Variants in SFPQ observed in about 807,000 individuals in gnomAD.
SFPQ encodes splicing factor, proline- and glutamine-rich.
In SFPQ, 11 loss-of-function variants were observed where a neutral mutation model predicts 72.9. The observed-to-expected ratio is 0.15, with a 90% CI of 0.09 to 0.25. SFPQ has a LOEUF of 0.25. Ranked by LOEUF, SFPQ falls within the 10% of genes least tolerant of loss-of-function variation. The probability of loss-of-function intolerance (pLI) is 1.00; values close to 1 mark genes in which losing one functional copy is unlikely to be tolerated. For synonymous variants in SFPQ, 506 were observed against 367.3 expected, an observed-to-expected ratio of 1.38 and a Z score of -4.32; for missense variants, 847 against 993.3, an observed-to-expected ratio of 0.85 and a Z score of 1.98.
intron 2 of SFPQ, 150 bp downstream of exon 2, chr1:35,191,191 T>C (rs1639978675): frequency 2.4e-6 from 2 of 817,812 alleles, no homozygotes; most frequent in East Asian, 2.7e-5. Flanking sequence ...TTATGCATTA[T>C]ACCGCAAGCA....
intron 2 of SFPQ, 76 bp from the exon 3 acceptor site, chr1:35,191,071 T>A: frequency 2.4e-6 from 3 of 1,259,864 alleles, no homozygotes; most frequent in Non-Finnish European, 3.3e-6. Flanking sequence ...TAGGCCTACT[T>A]CCTACTCCCT....
chr1:35,193,145 C>T lies in SFPQ; in HGVS notation c.-96G>A, dbSNP rs921909795. On this transcript the variant is annotated 5_prime_UTR_variant, in exon 1 of 10. Transcript: ENST00000357214. ...CTCACAAAATGGCGGATGACACAGG[C>T]GGCGCGCCGCCTTTGTCCTCGTCTT... 3.4e-6 allele frequency: 5 copies of T among 1,467,022 alleles called. No homozygotes were observed. In the Admixed American group the frequency reaches 1.2e-4, roughly 36 times the overall value. The allele number at this position is 1,467,022 out of a possible 1,614,324, so 90.9% of individuals were successfully genotyped here. A position where few individuals can be genotyped will look rare whatever the true frequency, so the allele number is the denominator to read the frequency against.
chr1:35,184,706 C>A, intron 9 of SFPQ, 113 bp from the exon 10 acceptor site: 3 of 1,363,612 alleles, frequency 2.2e-6, no homozygotes, highest in South Asian at 1.9e-5. Flanking sequence ...ACCAATGAGT[C>A]GATCCACAGG....
At chr1:35,187,284 C>CA (rs772954118) in intron 7 of SFPQ, 33 bp from the exon 8 acceptor site, 12 of 1,589,820 alleles carry the variant, frequency 7.5e-6, no homozygotes, top group Non-Finnish European at 9.5e-6. Flanking sequence ...AATATACCTG[C>CA]ACTATACCCA....
At chr1:35,180,844 G>A, downstream of SFPQ, 1 of 985,326 alleles carries the variant, frequency 1.0e-6, no homozygotes, top group Non-Finnish European at 1.2e-6. Flanking sequence ...CCACTGATGT[G>A]TTCCATGTTA....
downstream of SFPQ, chr1:35,182,095 G>A (rs921457241): frequency 3.0e-6 from 3 of 985,182 alleles, no homozygotes; most frequent in African/African-American, 5.2e-5. Flanking sequence ...CCCTTATAAA[G>A]AAAGGCATGT....
chr1:35,177,884 C>T (rs1308947783), intron 4 of SFPQ: 4 of 376,700 alleles, frequency 1.1e-5, no homozygotes, highest in East Asian at 9.9e-5. Flanking sequence ...ATCTTAGAAA[C>T]GGTAAACATC....
At chr1:35,179,876 C>T (rs562876611), downstream of SFPQ, 20 of 1,053,478 alleles carry the variant, frequency 1.9e-5, no homozygotes, top group African/African-American at 1.2e-4. Context: ...TAATGGATTA[C>T]GACACAGGAA....
At chr1:35,182,065 T>C, downstream of SFPQ, 2 of 985,392 alleles carry the variant, frequency 2.0e-6, no homozygotes, top group Non-Finnish European at 2.4e-6. Context: ...AAGCTTATTT[T>C]AGGGGGTCTG....
chr1:35,185,989 C>A (rs1274262262), intron 9 of SFPQ, among the ~76,000 whole-genome samples: 1 of 152,080 alleles, frequency 6.6e-6, no homozygotes, highest in East Asian at 1.9e-4. Flanking sequence ...CAAAATGTTA[C>A]CCACATACTC....
In SFPQ at chr1:35,191,585, C is replaced by G. The variant is rs563380685; in HGVS notation, c.829-56G>C. 10 of 1,373,620 alleles carry G rather than the reference C, an allele frequency of 7.3e-6. No individual in the cohort carries two copies. The Admixed American group carries it at 1.2e-4, about 17-fold the overall frequency. 85.1% of individuals were successfully genotyped at this position (1,373,620 alleles called of 1,614,324 possible). ...CCAGAGACCTCTGCAAGTGAAAATCCCCAAGATAGTATTTGCTTATCTGAA... is the reference window on the plus strand; with the variant it reads ...CCAGAGACCTCTGCAAGTGAAAATCGCCAAGATAGTATTTGCTTATCTGAA... On this transcript the variant is annotated intron_variant, in intron 1 of 9. Transcript: ENST00000357214.
Position 35,184,235 on chromosome 1 carries a change from A to G in SFPQ, c.*221T>C. The G allele has an allele frequency of 7.6e-7, 1 of 1,315,742 alleles. No individual in the cohort carries two copies. Among genetic ancestry groups the G allele is most frequent in the Non-Finnish European group, 9.6e-7 (1 of 1,039,784 alleles). 81.5% of individuals were successfully genotyped at this position (1,315,742 alleles called of 1,614,324 possible). A position where few individuals can be genotyped will look rare whatever the true frequency, so the allele number is the denominator to read the frequency against. ...AAACTTGAGGGACATTATACAGTAA[A>G]AAAGAAAAAATAAAGAAATAAAAAG... On this transcript the variant is annotated 3_prime_UTR_variant, in exon 10 of 10. Transcript: ENST00000357214.
chr1:35,179,635 G>C (rs776209606), downstream of SFPQ: 5 of 1,054,974 alleles, frequency 4.7e-6, no homozygotes, highest in Non-Finnish European at 5.7e-6. Context: ...AAGCTAGTAA[G>C]AACACACTAA....
At position 35,184,251 on chromosome 1, in the gene SFPQ, AAAT is replaced by A. The variant is rs554331611; in HGVS notation, c.*202_*204del. On this transcript the variant is annotated 3_prime_UTR_variant, in exon 10 of 10. Transcript: ENST00000357214. ...ATACAGTAAAAAAGAAAAAATAAAGAAATAAAAAGGAAAAAAAAATTCTCCTGT... is the reference window on the plus strand; with the variant it reads ...ATACAGTAAAAAAGAAAAAATAAAGAAAAAAGGAAAAAAAAATTCTCCTGT... The A allele has an allele frequency of 1.3e-5, 18 of 1,343,322 alleles. 1 individual carries two copies. In the South Asian group the frequency reaches 3.3e-4, roughly 25 times the overall value. The allele number at this position is 1,343,322 out of a possible 1,614,324, so 83.2% of individuals were successfully genotyped here.
rs1162042195 is a variant in SFPQ at position 35,186,885 on chromosome 1, G to A, written c.1986+116C>T. 8 of 991,496 alleles carry A rather than the reference G, an allele frequency of 8.1e-6. No individual in the cohort carries two copies. The East Asian group carries it at 1.5e-4, about 18-fold the overall frequency. The allele number at this position is 991,496 out of a possible 1,614,324, so 61.4% of individuals were successfully genotyped here. ...ACATATTTATGTATGAAATTGGTAG[G>A]GGAAACTAAAAGAGGTCCAGTCACC... On this transcript the variant is annotated intron_variant, in intron 9 of 9. Transcript: ENST00000357214.
In SFPQ at chr1:35,190,127, G is replaced by A. The variant is rs183532804; in HGVS notation, c.1415+371C>T. Among the ~76,000 whole-genome samples the A allele has an allele frequency of 2.0e-5, 3 of 152,100 alleles. No individual in the cohort carries two copies. In the East Asian group the frequency reaches 5.8e-4, roughly 29 times the overall value. Reference sequence around the variant, plus strand: ...AATAGAAAACGAGCCAGGCATGGTGGCACATGCCTGTAATCCCAGCTACCT... The same window carrying A: ...AATAGAAAACGAGCCAGGCATGGTGACACATGCCTGTAATCCCAGCTACCT... On this transcript the variant is annotated intron_variant, in intron 4 of 9. Transcript: ENST00000357214.
At position 35,189,220 on chromosome 1, in the gene SFPQ, G is replaced by A. The variant is rs200391568; in HGVS notation, c.1578C>T (p.Ala526=). ...KDKLESEMED[A]YHEHQANLLR... ...AAAGATTTGCCTGATGTTCATGATAGGCATCTTCCATTTCACTTTCCAATT... is the reference window on the plus strand; with the variant it reads ...AAAGATTTGCCTGATGTTCATGATAAGCATCTTCCATTTCACTTTCCAATT... The change falls in exon 5 of 10, where the codon GCC becomes GCT. Residue 526 remains alanine, a synonymous_variant. Transcript: ENST00000357214. The A allele has an allele frequency of 3.1e-6, 5 of 1,614,016 alleles. No individual in the cohort carries two copies. Among genetic ancestry groups the A allele is most frequent in the East Asian group, 2.2e-5 (1 of 44,890 alleles).
chr1:35,191,443 A>G lies in SFPQ; in HGVS notation c.915T>C (p.Pro305=). 6.2e-7 allele frequency: 1 copy of G among 1,614,136 alleles called. No individual in the cohort carries two copies. Among genetic ancestry groups the G allele is most frequent in the South Asian group, 1.1e-5 (1 of 91,088 alleles). Residue 305 remains proline (P), a synonymous_variant, in exon 2 of 10, where the codon CCT becomes CCC. Transcript: ENST00000357214. ...QRCRLFVGNL[P]ADITEDEFKR... is the part of the protein sequence containing the mutation. The stretch of plus-strand genomic sequence containing the variant: ...TGAATTCATCCTCCGTGATATCAGC[A>G]GGTAGATTCCCAACAAACAACCGAC...
At position 35,189,380 on chromosome 1, in the gene SFPQ, T is replaced by C; in HGVS notation, c.1418A>G (p.Glu473Gly). The change falls in exon 5 of 10, where the codon GAG (glutamate) becomes GGG (glycine). Residue 473 changes from glutamate to glycine, a missense_variant and splice_region_variant. Transcript: ENST00000357214. ...LAQKNPMYQKERETPPRFAQH... is the reference protein window; with the variant it reads ...LAQKNPMYQKGRETPPRFAQH... ...GGCAAAACGAGGAGGGGTTTCTCTC[T>C]CCCTAACAATACACAAAATTTTAAC... 1 of 1,611,644 alleles carries C rather than the reference T, an allele frequency of 6.2e-7. No homozygotes were observed. Among genetic ancestry groups the C allele is most frequent in the Non-Finnish European group, 8.5e-7 (1 of 1,178,484 alleles).
Sources: gnomAD v4.1 joint callset for allele counts (sites outside exome capture counted in the v4.1 genomes callset) on GRCh38, gnomAD v4.1.1 for gene constraint, MANE v1.5 for transcripts, NCBI Gene and HGNC (gene_info 2026-07-23, HGNC 2026-07-21) for gene names.